SRD5A2: variants seen among roughly 807,000 people sequenced by gnomAD.
The protein encoded by SRD5A2 is steroid 5 alpha-reductase 2, also known as 3-oxo-5-alpha-steroid 4-dehydrogenase 2.
In SRD5A2, 30 loss-of-function variants were observed where a neutral mutation model predicts 27.4. The observed-to-expected ratio is 1.10, with a 90% confidence interval of 0.82 to 1.49. The LOEUF is 1.49. Among genes scored for constraint, SRD5A2 ranks in the 40% most tolerant of loss-of-function variants. SRD5A2 has a pLI of 0.00. For missense variants in SRD5A2, 348 were observed against 323.4 expected, an observed-to-expected ratio of 1.08 and a Z score of -0.58; for synonymous variants, 141 against 133.6, an observed-to-expected ratio of 1.06 and a Z score of -0.38.
At chr2:31,528,330 T>C (rs1196530924) in intron 4 of SRD5A2, among the ~76,000 whole-genome samples, 1 of 152,232 alleles carries the variant, frequency 6.6e-6, no homozygotes, top group African/African-American at 2.4e-5. Flanking sequence ...ATTGCAGAGA[T>C]TCCAGGGGAA....
In SRD5A2 at chr2:31,541,292, G is replaced by A. The variant is rs185182721; in HGVS notation, c.282-7526C>T. On this transcript the variant is annotated intron_variant, in intron 1 of 4. Transcript: ENST00000622030. ...CAAACAACCTTGAGGAAAAAGAAGA[G>A]TCTGCATCCCAGAGTTACCACATCA... Among the ~76,000 whole-genome samples, 17 of 151,522 alleles carry A rather than the reference G, an allele frequency of 1.1e-4. No homozygotes were observed. In the East Asian group the frequency reaches 3.1e-3, roughly 28 times the overall value.
At chr2:31,583,639 GC>G (rs1558379456), upstream of SRD5A2, among the ~76,000 whole-genome samples, 18 of 17,494 alleles carry the variant, frequency 1.0e-3, no homozygotes, top group African/African-American at 1.6e-3. Flanking sequence ...CAAAAAAAAA[GC>G]AAAAAAAAAA....
chr2:31,593,375 T>A, the SRD5A2 span, among the ~76,000 whole-genome samples: 1 of 151,906 alleles, frequency 6.6e-6, no homozygotes, highest in African/African-American at 2.4e-5. Context: ...AAAGACACAC[T>A]TAAAGACAGG....
the SRD5A2 span, among the ~76,000 whole-genome samples, chr2:31,657,244 A>G: frequency 1.3e-5 from 2 of 152,214 alleles, no homozygotes; most frequent in Non-Finnish European, 2.9e-5. Context: ...GGTGTTAATA[A>G]TAGGGAAAAC....
the SRD5A2 span, among the ~76,000 whole-genome samples, chr2:31,599,594 C>T: frequency 6.6e-6 from 1 of 151,864 alleles, no homozygotes; most frequent in African/African-American, 2.4e-5. Context: ...GAAGTTGAAA[C>T]ATTTCTTTAA....
At chr2:31,656,347 T>A in the SRD5A2 span, among the ~76,000 whole-genome samples, 2 of 152,208 alleles carry the variant, frequency 1.3e-5, no homozygotes, top group African/African-American at 2.4e-5. Flanking sequence ...CTCAACCTCC[T>A]TTGATCATCC....
Position 31,580,702 on chromosome 2 carries a change from TCCCCGCGGG to T in SRD5A2, c.190_198del (p.Pro64_Gly66del). On this transcript the variant is annotated inframe_deletion, in exon 1 of 5. Transcript: ENST00000622030. Reference sequence around the variant, plus strand: ...AGGGAGAGGGGCTGCCGGGCGAGGATCCCCGCGGGCACCGCGAAGGAAGGCAGCTCCTGC... The same window carrying T: ...AGGGAGAGGGGCTGCCGGGCGAGGATCACCGCGAAGGAAGGCAGCTCCTGC... The T allele has an allele frequency of 6.2e-7, 1 of 1,603,418 alleles. No individual in the cohort carries two copies.
At chr2:31,592,394 G>A in the SRD5A2 span, among the ~76,000 whole-genome samples, 3 of 152,130 alleles carry the variant, frequency 2.0e-5, no homozygotes, top group Admixed American at 6.5e-5. Flanking sequence ...ACCAGCATTT[G>A]AGAAAACGAG....
At chr2:31,647,459 A>G in the SRD5A2 span, among the ~76,000 whole-genome samples, 1 of 152,344 alleles carries the variant, frequency 6.6e-6, no homozygotes, top group Non-Finnish European at 1.5e-5. Flanking sequence ...CCATGGTTTT[A>G]ACTATTAAGT....
At chr2:31,593,117 G>A in the SRD5A2 span, among the ~76,000 whole-genome samples, 2 of 152,006 alleles carry the variant, frequency 1.3e-5, no homozygotes, top group African/African-American at 2.4e-5. Flanking sequence ...TTGTGGGGTC[G>A]GGGGAGAGGG....
At chr2:31,588,244 T>C in the SRD5A2 span, among the ~76,000 whole-genome samples, 1 of 152,032 alleles carries the variant, frequency 6.6e-6, no homozygotes, top group Non-Finnish European at 1.5e-5. Flanking sequence ...TAGAGAAACA[T>C]ATCAATATTC....
intron 1 of SRD5A2, among the ~76,000 whole-genome samples, chr2:31,535,023 A>G (rs980841215): frequency 4.2e-5 from 6 of 143,312 alleles, no homozygotes; most frequent in Admixed American, 7.0e-5. Context: ...GTGTGAGTCA[A>G]TTTTTTTTTT....
the SRD5A2 span, among the ~76,000 whole-genome samples, chr2:31,613,366 C>T: frequency 3.7e-3 from 566 of 152,184 alleles, 4 homozygotes; most frequent in Middle Eastern, 0.017. Flanking sequence ...TCTGAACAGA[C>T]ATTTCTCAAA....
the SRD5A2 span, among the ~76,000 whole-genome samples, chr2:31,599,914 CG>C: frequency 6.6e-6 from 1 of 151,884 alleles, no homozygotes. Context: ...GTTTGTTGTA[CG>C]GATATTTAAT....
the SRD5A2 span, among the ~76,000 whole-genome samples, chr2:31,624,946 A>C: frequency 0.017 from 2,558 of 152,254 alleles, 39 homozygotes; most frequent in South Asian, 0.044. Context: ...CTGTCTTCCA[A>C]AATGGTTGAA....
chr2:31,614,593 C>T, the SRD5A2 span, among the ~76,000 whole-genome samples: 4 of 152,214 alleles, frequency 2.6e-5, no homozygotes, highest in South Asian at 2.1e-4. Context: ...CTAGGCAGTG[C>T]CCCAGTCAGG....
chr2:31,606,158 G>A, the SRD5A2 span, among the ~76,000 whole-genome samples: 1 of 151,924 alleles, frequency 6.6e-6, no homozygotes, highest in Non-Finnish European at 1.5e-5. Flanking sequence ...GGGAAGGGTA[G>A]TGGGTGGTGG....
At chr2:31,604,185 G>A in the SRD5A2 span, among the ~76,000 whole-genome samples, 6 of 151,624 alleles carry the variant, frequency 4.0e-5, no homozygotes, top group Non-Finnish European at 8.9e-5. Context: ...ACACTGAATG[G>A]GGAAAAACTG....
chr2:31,621,317 T>C, the SRD5A2 span, among the ~76,000 whole-genome samples: 1 of 152,156 alleles, frequency 6.6e-6, no homozygotes, highest in Non-Finnish European at 1.5e-5. Flanking sequence ...AATCTGTTTC[T>C]ATTTGTAAAT....
Sources: gnomAD v4.1 joint callset for allele counts (sites outside exome capture counted in the v4.1 genomes callset) on GRCh38, gnomAD v4.1.1 for gene constraint, MANE v1.5 for transcripts, NCBI Gene and HGNC (gene_info 2026-07-23, HGNC 2026-07-21) for gene names.